The following PHLPP1 variants were observed in gnomAD, a reference collection of about 807,000 sequenced individuals.
The protein encoded by PHLPP1 is PH domain leucine-rich repeat-containing protein phosphatase 1.
A neutral mutation model predicts 117.2 loss-of-function variants in PHLPP1; 42 were observed. The observed-to-expected ratio is 0.36, with a 90% CI of 0.28 to 0.46. PHLPP1 has a LOEUF of 0.46. PHLPP1 is among the 20% of genes least tolerant of loss of function. The pLI is 1.00. For missense variants in PHLPP1, 2,084 were observed against 2,241.9 expected (o/e 0.93, Z 1.42); for synonymous variants, 1,042 against 970.7 (o/e 1.07, Z -1.37).
chr18:62,782,371 A>C (rs1467303643), intron 1 of PHLPP1, among the ~76,000 whole-genome samples: 2 of 152,208 alleles, frequency 1.3e-5, no homozygotes, highest in African/African-American at 2.4e-5. Context: ...AAGATGTAAT[A>C]GTTTAACTCA....
intron 10 of PHLPP1, among the ~76,000 whole-genome samples, chr18:62,939,932 C>A (rs1007044659): frequency 6.6e-6 from 1 of 151,108 alleles, no homozygotes; most frequent in Non-Finnish European, 1.5e-5. Context: ...GCAGAATAGT[C>A]CTGAATTGAA....
chr18:62,902,879 T>C (rs1378654390), intron 6 of PHLPP1, 85 bp from the exon 7 acceptor site: 6 of 803,438 alleles, frequency 7.5e-6, no homozygotes, highest in Non-Finnish European at 1.2e-5. Context: ...AACTGAGTTC[T>C]TTCTCGCTAT....
intron 5 of PHLPP1, 126 bp downstream of exon 5, chr18:62,895,283 G>A (rs1431809548): frequency 2.2e-6 from 2 of 907,534 alleles, no homozygotes; most frequent in Admixed American, 2.4e-5. Context: ...CAAATCAAGA[G>A]ATCAGGGACT....
rs1449401521 is a variant in PHLPP1 at position 62,725,374 on chromosome 18, AT to A, written c.1576+8116del. Among the ~76,000 whole-genome samples the A allele has an allele frequency of 7.4e-3, 1,114 of 151,180 alleles. 1 individual carries two copies. Among genetic ancestry groups the A allele is most frequent in the Non-Finnish European group, 8.8e-3 (598 of 67,784 alleles). On this transcript the variant is annotated intron_variant, in intron 1 of 16. Coordinates refer to ENST00000262719, the MANE Select transcript of PHLPP1 (RefSeq NM_194449.4). ...AACTCAGTCTCAAAAAAAAAAAAAA[AT>A]AATAAATAAAAAAATAAATATGTAT...
chr18:62,938,974 TTTTCTTTCTTTC>T (rs71340137), intron 10 of PHLPP1, among the ~76,000 whole-genome samples: 1 of 140,280 alleles, frequency 7.1e-6, no homozygotes, highest in African/African-American at 2.6e-5. Flanking sequence ...TTTTTGTCTT[TTTTCTTTCTTTC>T]TTTCTTTCTT....
intron 1 of PHLPP1, among the ~76,000 whole-genome samples, chr18:62,739,614 A>G (rs547702728): frequency 1.1e-4 from 16 of 152,270 alleles, no homozygotes; most frequent in Admixed American, 4.6e-4. Context: ...AGAGGGAGAA[A>G]GAGGCTAAGG....
rs551481142 is a variant in PHLPP1 at position 62,870,172 on chromosome 18, A to G, written c.2066+9571A>G. Among the ~76,000 whole-genome samples, 4 of 152,284 alleles carry G rather than the reference A, an allele frequency of 2.6e-5. No individual in the cohort carries two copies. The South Asian group carries it at 8.3e-4, about 32-fold the overall frequency. The stretch of plus-strand genomic sequence containing the variant: ...CGGTCTCCCACAATGCTGGAATTAC[A>G]GGTGTGAGCCACTGTGCCCGGCCAC... On this transcript the variant is annotated intron_variant, in intron 4 of 16. Coordinates refer to ENST00000262719, the MANE Select transcript of PHLPP1 (RefSeq NM_194449.4).
At chr18:62,785,311 A>G (rs937296368) in intron 1 of PHLPP1, among the ~76,000 whole-genome samples, 2 of 152,242 alleles carry the variant, frequency 1.3e-5, no homozygotes, top group African/African-American at 4.8e-5. Context: ...AGCAGTGTTA[A>G]GATTCCTGCT....
At chr18:62,958,299 G>A (rs1279301440) in intron 12 of PHLPP1, among the ~76,000 whole-genome samples, 5 of 152,182 alleles carry the variant, frequency 3.3e-5, no homozygotes, top group Non-Finnish European at 7.3e-5. Context: ...TCATGGCACG[G>A]AGATTTTGTG....
At chr18:62,842,141 T>C (rs1017203972) in intron 3 of PHLPP1, among the ~76,000 whole-genome samples, 2 of 152,232 alleles carry the variant, frequency 1.3e-5, no homozygotes, top group Non-Finnish European at 2.9e-5. Context: ...AATTTTATGA[T>C]GGTCATCCTT....
intron 4 of PHLPP1, among the ~76,000 whole-genome samples, chr18:62,876,001 G>A (rs1916041852): frequency 6.6e-6 from 1 of 152,124 alleles, no homozygotes; most frequent in African/African-American, 2.4e-5. Context: ...CCAAAGTGCT[G>A]GGATTACAGG....
At chr18:62,818,598 A>G (rs935395898) in intron 1 of PHLPP1, among the ~76,000 whole-genome samples, 9 of 152,236 alleles carry the variant, frequency 5.9e-5, no homozygotes, top group African/African-American at 1.9e-4. Flanking sequence ...CTGAAAGACT[A>G]TCAACAGCAG....
At chr18:62,950,526 A>G (rs904815592) in intron 12 of PHLPP1, among the ~76,000 whole-genome samples, 5 of 152,202 alleles carry the variant, frequency 3.3e-5, no homozygotes, top group African/African-American at 4.8e-5. Context: ...CTCAATCACA[A>G]AGACACAAAG....
At chr18:62,748,361 C>T (rs1911741831) in intron 1 of PHLPP1, among the ~76,000 whole-genome samples, 2 of 151,956 alleles carry the variant, frequency 1.3e-5, no homozygotes, top group South Asian at 4.2e-4. Context: ...CCTCCCACCT[C>T]AGCCTCCTGA....
chr18:62,729,440 T>TA (rs2122057740), intron 1 of PHLPP1, among the ~76,000 whole-genome samples: 1 of 152,316 alleles, frequency 6.6e-6, no homozygotes, highest in East Asian at 1.9e-4. Context: ...CTCATGCCTG[T>TA]AATCCCAGCA....
intron 8 of PHLPP1, among the ~76,000 whole-genome samples, chr18:62,912,855 A>T (rs1568159228): frequency 6.6e-6 from 1 of 152,192 alleles, no homozygotes; most frequent in East Asian, 1.9e-4. Flanking sequence ...TCCTGACCTC[A>T]AGTGATCCAC....
At chr18:62,822,285 T>G (rs61043379) in intron 1 of PHLPP1, among the ~76,000 whole-genome samples, 9,465 of 140,750 alleles carry the variant, frequency 0.067, 1,033 homozygotes, top group African/African-American at 0.22. Context: ...TTTTTGTTTT[T>G]GTTTTTTTTT....
chr18:62,966,185 G>A (rs914782660), intron 14 of PHLPP1, among the ~76,000 whole-genome samples: 20 of 151,994 alleles, frequency 1.3e-4, no homozygotes, highest in Non-Finnish European at 2.4e-4. Context: ...ACAGGATCAC[G>A]TGAGTTAATA....
intron 4 of PHLPP1, among the ~76,000 whole-genome samples, chr18:62,871,329 T>C (rs1026628535): frequency 1.3e-5 from 2 of 152,146 alleles, no homozygotes; most frequent in Non-Finnish European, 2.9e-5. Context: ...TTTTTGTTTT[T>C]GTTTTTGTTT....
Sources: allele counts gnomAD v4.1 joint callset (sites outside exome capture counted in the v4.1 genomes callset), GRCh38; gene constraint gnomAD v4.1.1; transcripts MANE v1.5; gene names NCBI Gene and HGNC (gene_info 2026-07-23, HGNC 2026-07-21).